The following UBE2B variants were observed in gnomAD, a reference collection of about 807,000 sequenced individuals.
The protein encoded by UBE2B is ubiquitin conjugating enzyme E2 B.
A neutral mutation model predicts 24.6 loss-of-function variants in UBE2B; 11 were observed. That is an observed-to-expected ratio of 0.45 (90% CI 0.28 to 0.74). UBE2B has a LOEUF of 0.74. Among genes scored for constraint, UBE2B ranks in the 30% least tolerant of loss-of-function variants. UBE2B has a pLI of 0.13. For missense variants in UBE2B, 78 were observed against 185.6 expected (o/e 0.42, Z 3.37); for synonymous variants, 68 against 62.4 (o/e 1.09, Z -0.42).
chr5:134,376,811 G>A, intron 3 of UBE2B, 117 bp downstream of exon 3: 1 of 984,226 alleles, frequency 1.0e-6, no homozygotes, highest in East Asian at 2.6e-5. Context: ...CAAGTTAAAA[G>A]TAAAGCTATG....
chr5:134,386,855 G>A (rs1441704193), intron 4 of UBE2B, among the ~76,000 whole-genome samples: 1 of 151,694 alleles, frequency 6.6e-6, no homozygotes, highest in Non-Finnish European at 1.5e-5. Context: ...CAGTAGATAT[G>A]TATCATTTCT....
Position 134,390,934 on chromosome 5 carries a change from C to T in UBE2B, c.*581C>T, listed in dbSNP as rs917742743. Reference sequence around the variant, plus strand: ...TGATTCTAAATAGCGATTATAATCTCCAACTTTATTTTGAATGTACCTCTA... The same window carrying T: ...TGATTCTAAATAGCGATTATAATCTTCAACTTTATTTTGAATGTACCTCTA... On this transcript the variant is annotated 3_prime_UTR_variant, in exon 6 of 6. Transcript: ENST00000265339. The surrounding 1 kb of genome is among the most constrained non-coding windows in gnomAD (Gnocchi z 4.6). 1 of 154,662 alleles carries T rather than the reference C, an allele frequency of 6.5e-6. No individual in the cohort carries two copies. The highest frequency in any genetic ancestry group is 1.4e-5 in the Non-Finnish European group (1 of 69,492). The allele number at this position is 154,662 out of a possible 1,614,324, so 9.6% of individuals were successfully genotyped here. A position where few individuals can be genotyped will look rare whatever the true frequency, so the allele number is the denominator to read the frequency against.
intron 1 of UBE2B, 141 bp from the exon 2 acceptor site, chr5:134,374,242 T>C (rs1172203095): frequency 1.3e-6 from 1 of 748,330 alleles, no homozygotes. Context: ...TTAAGTCATA[T>C]GGTTCATTTT....
At chr5:134,374,531 CT>C in intron 2 of UBE2B, 68 bp downstream of exon 2, 1 of 1,490,582 alleles carries the variant, frequency 6.7e-7, no homozygotes, top group Non-Finnish European at 9.2e-7. Context: ...CATATAACAA[CT>C]GTCTAGGAAA....
At chr5:134,385,429 C>G (rs1200969128) in intron 4 of UBE2B, among the ~76,000 whole-genome samples, 1 of 152,210 alleles carries the variant, frequency 6.6e-6, no homozygotes, top group East Asian at 1.9e-4. Flanking sequence ...ATTTGCTCCC[C>G]ACTCTCTGTT....
chr5:134,391,530 C>T lies in UBE2B; in HGVS notation c.*1177C>T, dbSNP rs1220782625. 1.3e-5 allele frequency: 2 copies of T among 152,624 alleles called. No individual in the cohort carries two copies. Among genetic ancestry groups the T allele is most frequent in the Non-Finnish European group, 2.9e-5 (2 of 68,042 alleles). The allele number at this position is 152,624 out of a possible 1,614,324, so 9.5% of individuals were successfully genotyped here. A position where few individuals can be genotyped will look rare whatever the true frequency, so the allele number is the denominator to read the frequency against. On this transcript the variant is annotated 3_prime_UTR_variant, in exon 6 of 6. Transcript: ENST00000265339. Reference sequence around the variant, plus strand: ...AAATATACAAGTAAATTCTGTTGAACCACCTGTGTAGTCTCTCTAGTAGTT... The same window carrying T: ...AAATATACAAGTAAATTCTGTTGAATCACCTGTGTAGTCTCTCTAGTAGTT...
chr5:134,374,371 C>T lies in UBE2B; in HGVS notation c.45-12C>T, dbSNP rs1426166340. On this transcript the variant is annotated splice_polypyrimidine_tract_variant and intron_variant, in intron 1 of 5. Transcript: ENST00000265339. ...ATGTTCAACTTTTTAAATTACCACG[C>T]TGGATTTCCAGGTTACAAGAGGACC... 1 of 1,552,410 alleles carries T rather than the reference C, an allele frequency of 6.4e-7. No individual in the cohort carries two copies. The highest frequency in any genetic ancestry group is 2.0e-5 in the Admixed American group (1 of 51,046).
chr5:134,383,294 C>G (rs367558554), intron 4 of UBE2B, among the ~76,000 whole-genome samples: 25 of 152,124 alleles, frequency 1.6e-4, no homozygotes, highest in Admixed American at 1.3e-3. Flanking sequence ...GCACTTTGAA[C>G]ATTCTTAAAA....
intron 3 of UBE2B, among the ~76,000 whole-genome samples, chr5:134,377,560 A>G (rs1187666882): frequency 6.6e-6 from 1 of 152,216 alleles, no homozygotes. Flanking sequence ...ACATATATGC[A>G]TGTGTGTCTA....
chr5:134,379,681 G>T lies in UBE2B; in HGVS notation c.152-1038G>T, dbSNP rs373184920. 2.7e-5 allele frequency among the ~76,000 whole-genome samples: 4 copies of T among 148,620 alleles called. No homozygotes were observed. In the South Asian group the frequency reaches 8.5e-4, roughly 32 times the overall value. On this transcript the variant is annotated intron_variant, in intron 3 of 5. Coordinates refer to ENST00000265339, the MANE Select transcript of UBE2B (RefSeq NM_003337.4). Reference sequence around the variant, plus strand: ...AAAAAAAAAGGAAGAAAGAAAGAAAGTACTCCTTTTTTCAAGTACATATTT... The same window carrying T: ...AAAAAAAAAGGAAGAAAGAAAGAAATTACTCCTTTTTTCAAGTACATATTT...
At position 134,377,892 on chromosome 5, in the gene UBE2B, C is replaced by A. The variant is rs1327018462; in HGVS notation, c.151+1198C>A. Among the ~76,000 whole-genome samples, 6 of 152,214 alleles carry A rather than the reference C, an allele frequency of 3.9e-5. No homozygotes were observed. In the South Asian group the frequency reaches 1.2e-3, roughly 31 times the overall value. ...ATACTAATAGTGATTATATTCTTTGCATTTTAAAAGATGCCAGTTGGCCAG... is the reference window on the plus strand; with the variant it reads ...ATACTAATAGTGATTATATTCTTTGAATTTTAAAAGATGCCAGTTGGCCAG... On this transcript the variant is annotated intron_variant, in intron 3 of 5. Coordinates refer to ENST00000265339, the MANE Select transcript of UBE2B (RefSeq NM_003337.4).
chr5:134,385,105 T>A (rs990253516), intron 4 of UBE2B, among the ~76,000 whole-genome samples: 1 of 152,256 alleles, frequency 6.6e-6, no homozygotes, highest in African/African-American at 2.4e-5. Flanking sequence ...GATAAGATAT[T>A]TGAGTTCTGA....
At chr5:134,378,439 T>C (rs1210501968) in intron 3 of UBE2B, among the ~76,000 whole-genome samples, 1 of 152,148 alleles carries the variant, frequency 6.6e-6, no homozygotes, top group East Asian at 1.9e-4. Flanking sequence ...TTTGTATTTT[T>C]AGTAGAGATG....
intron 5 of UBE2B, among the ~76,000 whole-genome samples, chr5:134,388,803 A>G (rs1199598509): frequency 6.6e-6 from 1 of 152,196 alleles, no homozygotes; most frequent in African/African-American, 2.4e-5. Flanking sequence ...GTCTGGCAGA[A>G]TATTTCAGAA....
intron 2 of UBE2B, 167 bp downstream of exon 2, chr5:134,374,630 A>G: frequency 1.3e-6 from 1 of 764,056 alleles, no homozygotes; most frequent in Non-Finnish European, 2.1e-6. Flanking sequence ...GTTTTGGCCC[A>G]GCACAGTAGT....
intron 4 of UBE2B, among the ~76,000 whole-genome samples, chr5:134,381,132 A>C (rs1164185371): frequency 2.0e-5 from 3 of 151,546 alleles, no homozygotes; most frequent in African/African-American, 7.3e-5. Flanking sequence ...ACGCCTGGCT[A>C]ATTTTTTATA....
At chr5:134,374,240 T>G in intron 1 of UBE2B, 143 bp from the exon 2 acceptor site, 3 of 745,918 alleles carry the variant, frequency 4.0e-6, no homozygotes, top group Non-Finnish European at 7.0e-6. Flanking sequence ...ATTTAAGTCA[T>G]ATGGTTCATT....
Position 134,391,698 on chromosome 5 carries a change from C to T in UBE2B, c.*1345C>T, listed in dbSNP as rs548101336. 2 of 152,408 alleles carry T rather than the reference C, an allele frequency of 1.3e-5. No individual in the cohort carries two copies. The highest frequency in any genetic ancestry group is 3.9e-4 in the East Asian group (2 of 5,190). The allele number at this position is 152,408 out of a possible 1,614,324, so 9.4% of individuals were successfully genotyped here. On this transcript the variant is annotated 3_prime_UTR_variant, in exon 6 of 6. Coordinates refer to ENST00000265339, the MANE Select transcript of UBE2B (RefSeq NM_003337.4). Reference sequence around the variant, plus strand: ...TGCTTATAGGCTGGGCCAGGTGGCTCCCACCTGTAGTCCCAGCACTTTGGG... The same window carrying T: ...TGCTTATAGGCTGGGCCAGGTGGCTTCCACCTGTAGTCCCAGCACTTTGGG...
At chr5:134,374,722 T>C in intron 2 of UBE2B, 1 of 442,534 alleles carries the variant, frequency 2.3e-6, no homozygotes, top group Non-Finnish European at 4.1e-6. Flanking sequence ...CTCTGTCCCC[T>C]CCCCACCAAA....
Sources: allele counts gnomAD v4.1 joint callset (sites outside exome capture counted in the v4.1 genomes callset), GRCh38; gene constraint gnomAD v4.1.1; non-coding constraint Gnocchi (gnomAD v3.1); transcripts MANE v1.5; gene names NCBI Gene and HGNC (gene_info 2026-07-23, HGNC 2026-07-21).